The following ROBO2 variants were observed in gnomAD, a reference collection of about 807,000 sequenced individuals.
ROBO2 encodes roundabout homolog 2.
In ROBO2, 53 loss-of-function variants were observed where a neutral mutation model predicts 160.8. The observed-to-expected ratio is 0.33, with a 90% CI of 0.26 to 0.41. ROBO2 has a LOEUF of 0.41. Among genes scored for constraint, ROBO2 ranks in the 10% least tolerant of loss-of-function variants. The probability of loss-of-function intolerance (pLI) is 1.00; values close to 1 mark genes in which losing one functional copy is unlikely to be tolerated. For missense variants in ROBO2, 1,577 were observed against 1,722.4 expected, an observed-to-expected ratio of 0.92 and a Z score of 1.49; for synonymous variants, 664 against 611.7, an observed-to-expected ratio of 1.09 and a Z score of -1.26.
intron 5 of ROBO2, among the ~76,000 whole-genome samples, chr3:77,510,832 C>T (rs1486608444): frequency 6.6e-6 from 1 of 151,932 alleles, no homozygotes. Flanking sequence ...TGCTCTATGT[C>T]AGACACGGAG....
chr3:76,335,251 T>TGCTCACA (rs1553710835), intron 2 of ROBO2, among the ~76,000 whole-genome samples: 1 of 142,446 alleles, frequency 7.0e-6, no homozygotes, highest in African/African-American at 2.6e-5. Flanking sequence ...GCGCGATCTC[T>TGCTCACA]GCTCACGGCA....
intron 2 of ROBO2, among the ~76,000 whole-genome samples, chr3:77,436,686 G>T (rs2079326204): frequency 6.6e-6 from 1 of 151,602 alleles, no homozygotes; most frequent in Non-Finnish European, 1.5e-5. Context: ...CTGGATTTCA[G>T]AATAATAATA....
chr3:77,585,264 C>A (rs2094016752), intron 16 of ROBO2, among the ~76,000 whole-genome samples: 1 of 150,218 alleles, frequency 6.7e-6, no homozygotes, highest in African/African-American at 2.4e-5. Flanking sequence ...GGATTTATTT[C>A]CTTATAGGGA....
chr3:76,934,517 C>T (rs901694848), intron 2 of ROBO2, among the ~76,000 whole-genome samples: 1 of 151,496 alleles, frequency 6.6e-6, no homozygotes, highest in South Asian at 2.1e-4. Flanking sequence ...ACGAGAGGGC[C>T]GGATCACGAG....
chr3:76,844,486 T>C (rs1559592029), intron 2 of ROBO2, among the ~76,000 whole-genome samples: 1 of 151,918 alleles, frequency 6.6e-6, no homozygotes, highest in East Asian at 1.9e-4. Flanking sequence ...AAACCGTGAA[T>C]AGTATTTCAA....
chr3:76,806,891 A>G (rs541830035), intron 2 of ROBO2, among the ~76,000 whole-genome samples: 4 of 152,066 alleles, frequency 2.6e-5, no homozygotes, highest in Admixed American at 2.0e-4. Context: ...CATATTTTGT[A>G]CTCAGATTAT....
chr3:76,399,766 A>G (rs2077705779), intron 2 of ROBO2, among the ~76,000 whole-genome samples: 1 of 151,668 alleles, frequency 6.6e-6, no homozygotes. Context: ...ACTCTGTAAA[A>G]CTCTTTATTC....
At chr3:76,484,310 C>T (rs2079372434) in intron 2 of ROBO2, among the ~76,000 whole-genome samples, 1 of 152,150 alleles carries the variant, frequency 6.6e-6, no homozygotes, top group South Asian at 2.1e-4. Flanking sequence ...GGTAGGGCTA[C>T]ATCTTCTTCT....
chr3:77,381,931 T>A (rs1011817855), intron 2 of ROBO2, among the ~76,000 whole-genome samples: 2 of 152,176 alleles, frequency 1.3e-5, no homozygotes, highest in Non-Finnish European at 2.9e-5. Flanking sequence ...CCAATTGACA[T>A]GAAATCTATT....
chr3:76,973,855 G>A (rs1007704673), intron 2 of ROBO2, among the ~76,000 whole-genome samples: 3 of 152,266 alleles, frequency 2.0e-5, no homozygotes, highest in African/African-American at 7.2e-5. Context: ...ATATCACCTT[G>A]TAATGGGGCT....
At chr3:76,508,502 T>C (rs1378551909) in intron 2 of ROBO2, among the ~76,000 whole-genome samples, 4 of 152,190 alleles carry the variant, frequency 2.6e-5, no homozygotes, top group African/African-American at 9.6e-5. Context: ...AATATTTGTC[T>C]GCTTTACTAA....
intron 2 of ROBO2, among the ~76,000 whole-genome samples, chr3:76,593,304 A>G (rs2086536634): frequency 6.6e-6 from 1 of 152,058 alleles, no homozygotes; most frequent in African/African-American, 2.4e-5. Flanking sequence ...CTGATAGATC[A>G]TCAAGATTGG....
At chr3:76,257,637 T>C (rs1399942045) in intron 2 of ROBO2, among the ~76,000 whole-genome samples, 3 of 152,062 alleles carry the variant, frequency 2.0e-5, no homozygotes, top group Non-Finnish European at 1.5e-5. Context: ...CATACAGTTA[T>C]TTCTGTACTC....
chr3:76,883,827 T>C (rs867619768), intron 2 of ROBO2, among the ~76,000 whole-genome samples: 2 of 152,316 alleles, frequency 1.3e-5, no homozygotes, highest in Non-Finnish European at 2.9e-5. Flanking sequence ...TCTCAATATA[T>C]CATGAGAGAG....
intron 2 of ROBO2, among the ~76,000 whole-genome samples, chr3:76,753,849 C>T (rs901535439): frequency 6.6e-6 from 1 of 151,874 alleles, no homozygotes; most frequent in African/African-American, 2.4e-5. Flanking sequence ...AGGACTGGCT[C>T]TCAATATAAC....
intron 8 of ROBO2, among the ~76,000 whole-genome samples, chr3:77,555,993 T>C (rs1456145349): frequency 6.6e-6 from 1 of 151,898 alleles, no homozygotes; most frequent in African/African-American, 2.4e-5. Context: ...AGATGACCTT[T>C]GGCTGCATCT....
intron 19 of ROBO2, among the ~76,000 whole-genome samples, chr3:77,597,411 C>T (rs1406180554): frequency 2.0e-5 from 3 of 152,132 alleles, no homozygotes; most frequent in Admixed American, 2.0e-4. Context: ...TGTAAGGAGA[C>T]ACAAGTAACC....
chr3:76,526,589 G>C (rs1165282459), intron 2 of ROBO2, among the ~76,000 whole-genome samples: 1 of 151,846 alleles, frequency 6.6e-6, no homozygotes, highest in Non-Finnish European at 1.5e-5. Flanking sequence ...TAAAATTTTA[G>C]TTTTTTTCTA....
intron 2 of ROBO2, among the ~76,000 whole-genome samples, chr3:76,082,441 A>C (rs1337540523): frequency 6.6e-6 from 1 of 152,136 alleles, no homozygotes; most frequent in East Asian, 1.9e-4. Context: ...GAGAAGCAGG[A>C]ACAAGAGGGT....
Sources: allele counts gnomAD v4.1 joint callset (sites outside exome capture counted in the v4.1 genomes callset), GRCh38; gene constraint gnomAD v4.1.1; transcripts MANE v1.5; gene names NCBI Gene and HGNC (gene_info 2026-07-23, HGNC 2026-07-21).